The following SPOCK1 variants were observed in gnomAD, a reference collection of about 807,000 sequenced individuals.
SPOCK1 encodes SPARC (osteonectin), cwcv and kazal like domains proteoglycan 1.
A neutral mutation model predicts 55.3 loss-of-function variants in SPOCK1; 23 were observed. That is an observed-to-expected ratio of 0.42 (90% CI 0.30 to 0.59). SPOCK1 has a LOEUF of 0.59. Among genes scored for constraint, SPOCK1 ranks in the 20% least tolerant of loss-of-function variants. The probability of loss-of-function intolerance (pLI) is 0.22; values close to 1 mark genes in which losing one functional copy is unlikely to be tolerated. For synonymous variants in SPOCK1, 226 were observed against 221.0 expected, an observed-to-expected ratio of 1.02 and a Z score of -0.20; for missense variants, 499 against 552.5, an observed-to-expected ratio of 0.90 and a Z score of 0.97.
chr5:137,381,612 C>T (rs1413988202), intron 2 of SPOCK1, among the ~76,000 whole-genome samples: 8 of 152,234 alleles, frequency 5.3e-5, no homozygotes, highest in African/African-American at 1.9e-4. Context: ...ATTGCACCCT[C>T]TGGAGCAATG....
At chr5:137,252,113 A>G (rs1056188181) in intron 3 of SPOCK1, among the ~76,000 whole-genome samples, 4 of 152,076 alleles carry the variant, frequency 2.6e-5, no homozygotes, top group Admixed American at 2.0e-4. Flanking sequence ...TTTAATAGAG[A>G]TGGGGTTTCA....
At chr5:137,477,262 T>C (rs1481504776) in intron 2 of SPOCK1, among the ~76,000 whole-genome samples, 1 of 152,250 alleles carries the variant, frequency 6.6e-6, no homozygotes, top group East Asian at 1.9e-4. Context: ...TATATAAATG[T>C]ATAAAGCAAT....
intron 6 of SPOCK1, among the ~76,000 whole-genome samples, chr5:136,995,792 G>A (rs1259464126): frequency 6.6e-6 from 1 of 152,192 alleles, no homozygotes; most frequent in Non-Finnish European, 1.5e-5. Flanking sequence ...TTGGATGTCT[G>A]ATCGGATCAG....
At chr5:137,348,231 G>A (rs1750602036) in intron 2 of SPOCK1, among the ~76,000 whole-genome samples, 1 of 152,168 alleles carries the variant, frequency 6.6e-6, no homozygotes, top group Non-Finnish European at 1.5e-5. Flanking sequence ...GTAATATGGG[G>A]TTCAAGTAAT....
At chr5:137,371,948 A>C (rs1239131981) in intron 2 of SPOCK1, among the ~76,000 whole-genome samples, 1 of 152,260 alleles carries the variant, frequency 6.6e-6, no homozygotes, top group Non-Finnish European at 1.5e-5. Flanking sequence ...AACCACATAT[A>C]TAATTTGAAT....
At chr5:137,419,792 T>C (rs1317928547) in intron 2 of SPOCK1, among the ~76,000 whole-genome samples, 1 of 152,220 alleles carries the variant, frequency 6.6e-6, no homozygotes, top group Non-Finnish European at 1.5e-5. Context: ...TTACCCTTTA[T>C]TTCCTTCTCC....
chr5:136,985,139 C>T lies in SPOCK1; in HGVS notation c.991+1G>A. 6.2e-7 allele frequency: 1 copy of T among 1,614,016 alleles called. No individual in the cohort carries two copies. The highest frequency in any genetic ancestry group is 8.5e-7 in the Non-Finnish European group (1 of 1,179,860). On this transcript the variant is annotated splice_donor_variant, in intron 9 of 10. Transcript: ENST00000394945. LOFTEE classifies it high-confidence loss of function. ...AATGAGTGGCAAGAAATTGTACTTA[C>T]CCAACAGGCTTTTCCCCTTACTCAG...
intron 2 of SPOCK1, among the ~76,000 whole-genome samples, chr5:137,310,499 A>T (rs931214049): frequency 1.3e-5 from 2 of 152,236 alleles, no homozygotes; most frequent in African/African-American, 4.8e-5. Flanking sequence ...AGTAGGGTGG[A>T]TCAACATGCC....
At chr5:137,352,850 G>A (rs985551367) in intron 2 of SPOCK1, among the ~76,000 whole-genome samples, 4 of 152,180 alleles carry the variant, frequency 2.6e-5, no homozygotes, top group Non-Finnish European at 5.9e-5. Flanking sequence ...CAAAGAGTGG[G>A]TGATGTTTCA....
rs147881629 is a variant in SPOCK1 at position 137,398,748 on chromosome 5, T to C, written c.186+99625A>G. 2.0e-5 allele frequency among the ~76,000 whole-genome samples: 3 copies of C among 152,362 alleles called. No individual in the cohort carries two copies. The East Asian group carries it at 5.8e-4, about 29-fold the overall frequency. ...TAATATTTCCATAATTTCTTCCTAGTTAAGTGATCGATAAAATCTAATACT... is the reference window on the plus strand; with the variant it reads ...TAATATTTCCATAATTTCTTCCTAGCTAAGTGATCGATAAAATCTAATACT... On this transcript the variant is annotated intron_variant, in intron 2 of 10. Transcript: ENST00000394945.
At chr5:136,995,088 C>G (rs140985232) in intron 6 of SPOCK1, among the ~76,000 whole-genome samples, 2 of 152,276 alleles carry the variant, frequency 1.3e-5, no homozygotes, top group East Asian at 3.9e-4. Flanking sequence ...CTAGTGACCT[C>G]CACACTGGAC....
At chr5:137,022,994 C>A (rs1751603859) in intron 6 of SPOCK1, among the ~76,000 whole-genome samples, 1 of 152,152 alleles carries the variant, frequency 6.6e-6, no homozygotes, top group Non-Finnish European at 1.5e-5. Context: ...TCCCAGGCAG[C>A]AAAGCCTAGC....
chr5:137,067,631 T>A, intron 6 of SPOCK1, 84 bp downstream of exon 6: 1 of 1,177,434 alleles, frequency 8.5e-7, no homozygotes, highest in Non-Finnish European at 1.3e-6. Flanking sequence ...TTGTTCCTAG[T>A]GCCTGGGACA....
intron 3 of SPOCK1, among the ~76,000 whole-genome samples, chr5:137,205,586 C>T (rs1755504277): frequency 6.6e-6 from 1 of 152,234 alleles, no homozygotes; most frequent in Non-Finnish European, 1.5e-5. Context: ...GTGGCTCTCC[C>T]AGCTGCTGCT....
intron 3 of SPOCK1, among the ~76,000 whole-genome samples, chr5:137,190,055 T>C (rs1425222691): frequency 2.1e-5 from 3 of 144,292 alleles, no homozygotes; most frequent in Non-Finnish European, 3.1e-5. Flanking sequence ...AGTTGCTTCC[T>C]ATGGATGAGA....
chr5:137,380,716 C>T lies in SPOCK1; in HGVS notation c.187-113661G>A, dbSNP rs966181243. Among the ~76,000 whole-genome samples, 51 of 152,200 alleles carry T rather than the reference C, an allele frequency of 3.4e-4. 1 individual carries two copies. The highest frequency in any genetic ancestry group is 1.9e-3 in the Admixed American group (29 of 15,290). On this transcript the variant is annotated intron_variant, in intron 2 of 10. Coordinates refer to ENST00000394945, the MANE Select transcript of SPOCK1 (RefSeq NM_004598.4). ...ATTCGAGAATGGCAGGAAGGAAACC[C>T]GCCCCTACAATCTGATCACCTCCCA...
intron 6 of SPOCK1, among the ~76,000 whole-genome samples, chr5:137,012,141 C>T (rs145176267): frequency 5.9e-5 from 9 of 152,268 alleles, no homozygotes; most frequent in African/African-American, 2.2e-4. Flanking sequence ...AGCACACGAA[C>T]GTTCTGTGAG....
At chr5:137,020,079 T>TA (rs780783500) in intron 6 of SPOCK1, among the ~76,000 whole-genome samples, 10 of 149,224 alleles carry the variant, frequency 6.7e-5, no homozygotes, top group East Asian at 2.0e-4. Context: ...CTAATGAGCA[T>TA]AAAAAAATAG....
intron 2 of SPOCK1, among the ~76,000 whole-genome samples, chr5:137,453,204 A>G (rs1753293654): frequency 6.6e-6 from 1 of 152,180 alleles, no homozygotes; most frequent in Non-Finnish European, 1.5e-5. Flanking sequence ...CCTTCCAGAA[A>G]GTGATTATGA....
Sources: allele counts gnomAD v4.1 joint callset (sites outside exome capture counted in the v4.1 genomes callset), GRCh38; gene constraint gnomAD v4.1.1; transcripts MANE v1.5; gene names NCBI Gene and HGNC (gene_info 2026-07-23, HGNC 2026-07-21).